Variants in SPOCK3 observed in about 807,000 individuals in gnomAD.
The protein encoded by SPOCK3 is SPARC (osteonectin), cwcv and kazal like domains proteoglycan 3.
A neutral mutation model predicts 56.6 loss-of-function variants in SPOCK3; 30 were observed. The ratio of observed to expected loss-of-function variants is 0.53; its 90% CI spans 0.40 to 0.72. The LOEUF (loss-of-function observed/expected upper bound fraction) is 0.72. SPOCK3 is among the 30% of genes least tolerant of loss of function. SPOCK3 has a pLI of 0.00. For missense variants in SPOCK3, 527 were observed against 530.0 expected (o/e 0.99, Z 0.06); for synonymous variants, 196 against 183.3 (o/e 1.07, Z -0.56).
intron 3 of SPOCK3, among the ~76,000 whole-genome samples, chr4:167,045,144 C>A (rs1319735528): frequency 1.3e-5 from 2 of 152,142 alleles, no homozygotes; most frequent in African/African-American, 4.8e-5. Flanking sequence ...TATGTAATGT[C>A]CCTCTTTGTC....
At chr4:166,903,392 T>C (rs1736268238) in intron 5 of SPOCK3, among the ~76,000 whole-genome samples, 1 of 151,876 alleles carries the variant, frequency 6.6e-6, no homozygotes, top group South Asian at 2.1e-4. Context: ...ACCAGACCCA[T>C]GCAAGAGCAG....
At chr4:167,109,096 T>TATATTTATATAAAAATATATATAAA (rs1561224327) in intron 2 of SPOCK3, among the ~76,000 whole-genome samples, 73 of 286 alleles carry the variant, frequency 0.26, 18 homozygotes, top group African/African-American at 0.44. Flanking sequence ...TATATAAATA[T>TATATTTATATAAAAATATATATAAA]TATATATTTA....
intron 6 of SPOCK3, among the ~76,000 whole-genome samples, chr4:166,812,349 T>C (rs1487100966): frequency 6.6e-6 from 1 of 151,962 alleles, no homozygotes; most frequent in African/African-American, 2.4e-5. Context: ...ATTTAAACTA[T>C]AATCGGGCTT....
At chr4:167,145,541 A>C (rs1312985669) in intron 2 of SPOCK3, among the ~76,000 whole-genome samples, 1 of 151,994 alleles carries the variant, frequency 6.6e-6, no homozygotes, top group Non-Finnish European at 1.5e-5. Flanking sequence ...AACCAAGAAA[A>C]ATATCTGAGA....
At chr4:167,132,149 AATG>A (rs1396972669) in intron 2 of SPOCK3, among the ~76,000 whole-genome samples, 2 of 152,222 alleles carry the variant, frequency 1.3e-5, no homozygotes, top group Admixed American at 6.5e-5. Context: ...ACCTAGGATA[AATG>A]ATGTCATATC....
At chr4:167,203,669 A>C (rs778241654) in intron 2 of SPOCK3, among the ~76,000 whole-genome samples, 2 of 152,072 alleles carry the variant, frequency 1.3e-5, no homozygotes, top group Admixed American at 6.6e-5. Flanking sequence ...GCCAATTACG[A>C]CCTTGTAGAA....
intron 6 of SPOCK3, among the ~76,000 whole-genome samples, chr4:166,882,534 A>G (rs1423805439): frequency 6.6e-6 from 1 of 152,210 alleles, no homozygotes; most frequent in East Asian, 1.9e-4. Context: ...AGAACATGCC[A>G]TATTATGTAT....
In SPOCK3 at chr4:167,026,376, C is replaced by A. The variant is rs908870308; in HGVS notation, c.236-25913G>T. On this transcript the variant is annotated intron_variant, in intron 3 of 10. Coordinates refer to ENST00000357545, the MANE Select transcript of SPOCK3 (RefSeq NM_001040159.2). ...GAGGTATGGGCATCTTTACTAAGAA[C>A]TACAAACAATATCTGAAAGAAAGTA... Among the ~76,000 whole-genome samples, 21 of 152,104 alleles carry A rather than the reference C, an allele frequency of 1.4e-4. No individual in the cohort carries two copies. In the Middle Eastern group the frequency reaches 0.01, roughly 74 times the overall value.
intron 6 of SPOCK3, among the ~76,000 whole-genome samples, chr4:166,800,640 A>G (rs1742483430): frequency 6.6e-6 from 1 of 152,226 alleles, no homozygotes; most frequent in Admixed American, 6.5e-5. Context: ...ACAAAGATAT[A>G]ACAAAAGTGA....
chr4:167,055,422 T>A (rs1754691695), intron 3 of SPOCK3, among the ~76,000 whole-genome samples: 1 of 152,170 alleles, frequency 6.6e-6, no homozygotes, highest in Non-Finnish European at 1.5e-5. Flanking sequence ...ACTGGGTTCA[T>A]CTCACTAGGG....
chr4:166,967,075 C>T (rs898026671), intron 4 of SPOCK3, among the ~76,000 whole-genome samples: 2 of 152,236 alleles, frequency 1.3e-5, no homozygotes, highest in African/African-American at 2.4e-5. Context: ...GATGTGAGAA[C>T]TACCCCATGC....
intron 8 of SPOCK3, chr4:166,754,094 A>G: frequency 1.0e-6 from 1 of 966,962 alleles, no homozygotes; most frequent in Non-Finnish European, 1.2e-6. Flanking sequence ...GGTTCATTCA[A>G]CTCATTTAAT....
chr4:166,843,047 C>T (rs759309063), intron 6 of SPOCK3, among the ~76,000 whole-genome samples: 2 of 152,224 alleles, frequency 1.3e-5, no homozygotes, highest in Non-Finnish European at 2.9e-5. Context: ...CCTGGCGCAC[C>T]CTCCGCAGCT....
intron 2 of SPOCK3, among the ~76,000 whole-genome samples, chr4:167,116,585 T>TGTATATATATACGTATATACTATATAC (rs1554038893): frequency 0.19 from 21,444 of 113,292 alleles, 2,945 homozygotes; most frequent in African/African-American, 0.3. Context: ...TATATAGTTT[T>TGTATATATATACGTATATACTATATAC]GTATATATAT....
At position 167,129,533 on chromosome 4, in the gene SPOCK3, C is replaced by G. The variant is rs143961804; in HGVS notation, c.190-66996G>C. On this transcript the variant is annotated intron_variant, in intron 2 of 10. Coordinates refer to ENST00000357545, the MANE Select transcript of SPOCK3 (RefSeq NM_001040159.2). ...AATCTCTTTCTTGTATACTTTTGGT[C>G]TATTCCTTTTGTAATTTCAGACATT... Among the ~76,000 whole-genome samples, 11 of 152,096 alleles carry G rather than the reference C, an allele frequency of 7.2e-5. No individual in the cohort carries two copies. In the East Asian group the frequency reaches 2.1e-3, roughly 29 times the overall value.
intron 10 of SPOCK3, among the ~76,000 whole-genome samples, chr4:166,735,596 A>T (rs373908538): frequency 1.1e-4 from 15 of 142,680 alleles, no homozygotes; most frequent in Non-Finnish European, 2.3e-4. Flanking sequence ...TTCTTAAAAT[A>T]AAAAAAAAAA....
chr4:167,221,458 A>T (rs1172296965), intron 2 of SPOCK3, among the ~76,000 whole-genome samples: 1 of 152,148 alleles, frequency 6.6e-6, no homozygotes, highest in Non-Finnish European at 1.5e-5. Flanking sequence ...TGTTAATTTT[A>T]AAAAAACATG....
intron 6 of SPOCK3, among the ~76,000 whole-genome samples, chr4:166,879,113 A>G (rs1579515663): frequency 6.6e-6 from 1 of 152,312 alleles, no homozygotes; most frequent in South Asian, 2.1e-4. Context: ...TAAAAAAAAT[A>G]TATATGCAGA....
intron 3 of SPOCK3, among the ~76,000 whole-genome samples, chr4:167,032,381 T>G (rs1336714313): frequency 6.6e-6 from 1 of 151,720 alleles, no homozygotes; most frequent in Admixed American, 6.6e-5. Context: ...ACAAAGAAAA[T>G]AAAATAAACT....
Sources: allele counts gnomAD v4.1 joint callset (sites outside exome capture counted in the v4.1 genomes callset), GRCh38; gene constraint gnomAD v4.1.1; transcripts MANE v1.5; gene names NCBI Gene and HGNC (gene_info 2026-07-23, HGNC 2026-07-21).